Variants in SWAP70 observed in about 807,000 individuals in gnomAD.
The protein encoded by SWAP70 is switching B cell complex subunit SWAP70, also known as switch-associated protein 70.
Under a neutral mutation model 80.2 loss-of-function variants are expected in SWAP70, and 34 were observed. That is an observed-to-expected ratio of 0.42 (90% CI 0.32 to 0.56). SWAP70 has a LOEUF of 0.56. Among genes scored for constraint, SWAP70 ranks in the 20% least tolerant of loss-of-function variants. The pLI is 0.09. For missense variants in SWAP70, 578 were observed against 690.7 expected, an observed-to-expected ratio of 0.84 and a Z score of 1.83; for synonymous variants, 239 against 238.5, an observed-to-expected ratio of 1.00 and a Z score of -0.02.
At chr11:9,691,716 A>C (rs1850699916) in intron 1 of SWAP70, among the ~76,000 whole-genome samples, 1 of 152,244 alleles carries the variant, frequency 6.6e-6, no homozygotes, top group Admixed American at 6.5e-5. Flanking sequence ...ACTTTAGTCA[A>C]GAAAAACAAA....
chr11:9,699,080 A>T (rs201535550), intron 2 of SWAP70, among the ~76,000 whole-genome samples: 143 of 152,320 alleles, frequency 9.4e-4, no homozygotes, highest in East Asian at 2.5e-3. Flanking sequence ...AACATATGGT[A>T]TGATTCTATT....
At chr11:9,729,907 G>T (rs368155797) in intron 6 of SWAP70, among the ~76,000 whole-genome samples, 1 of 152,144 alleles carries the variant, frequency 6.6e-6, no homozygotes, top group Non-Finnish European at 1.5e-5. Context: ...ATTAAGATGC[G>T]CTCTCAAAGT....
At chr11:9,689,774 A>T (rs1850673321) in intron 1 of SWAP70, among the ~76,000 whole-genome samples, 1 of 152,120 alleles carries the variant, frequency 6.6e-6, no homozygotes, top group Admixed American at 6.5e-5. Context: ...TCCCAGAGAG[A>T]GAACGGTCCC....
At chr11:9,715,188 A>C (rs1851050777) in intron 3 of SWAP70, among the ~76,000 whole-genome samples, 1 of 152,042 alleles carries the variant, frequency 6.6e-6, no homozygotes, top group Non-Finnish European at 1.5e-5. Flanking sequence ...CATGTTGCCC[A>C]GCCTGGTATC....
At position 9,696,398 on chromosome 11, in the gene SWAP70, C is replaced by T. The variant is rs1428390704; in HGVS notation, c.240+2112C>T. 5.3e-5 allele frequency among the ~76,000 whole-genome samples: 8 copies of T among 152,028 alleles called. No individual in the cohort carries two copies. The East Asian group carries it at 1.5e-3, about 29-fold the overall frequency. ...AGAAATATGTGAAATAAAAAGTGAA[C>T]GTTGCTTTAATTTTTTGTAGTCTGA... On this transcript the variant is annotated intron_variant, in intron 2 of 11. Transcript: ENST00000318950.
intron 2 of SWAP70, among the ~76,000 whole-genome samples, chr11:9,699,866 G>GTATATATATATATATATA (rs113413903): frequency 6.9e-6 from 1 of 144,068 alleles, no homozygotes; most frequent in Non-Finnish European, 1.5e-5. Context: ...TGTATAGTGT[G>GTATATATATATATATATA]TATATATATA....
intron 1 of SWAP70, among the ~76,000 whole-genome samples, chr11:9,688,892 C>T (rs1383653444): frequency 6.6e-6 from 1 of 152,058 alleles, no homozygotes; most frequent in Admixed American, 6.5e-5. Flanking sequence ...GCTTTTAAGG[C>T]AGGGCATAGC....
intron 1 of SWAP70, among the ~76,000 whole-genome samples, chr11:9,671,021 G>A (rs982248804): frequency 2.0e-5 from 3 of 148,302 alleles, no homozygotes; most frequent in African/African-American, 5.0e-5. Context: ...CCAAAGTGCT[G>A]GGAGTACAGG....
At chr11:9,691,395 A>G (rs1203184967) in intron 1 of SWAP70, among the ~76,000 whole-genome samples, 1 of 152,234 alleles carries the variant, frequency 6.6e-6, no homozygotes, top group Admixed American at 6.5e-5. Context: ...ATTGGAGCGC[A>G]GGTCTCTTCC....
chr11:9,738,078 G>C lies in SWAP70; in HGVS notation c.1081-135G>C, dbSNP rs538461170. ...GACTGGAATTCTAATGGAGCTAAAA[G>C]TTTTTATTCTATTATCTTTATTGAA... On this transcript the variant is annotated intron_variant, in intron 7 of 11. Coordinates refer to ENST00000318950, the MANE Select transcript of SWAP70 (RefSeq NM_015055.4). 1.7e-4 allele frequency: 88 copies of C among 502,964 alleles called. 2 individuals carry two copies. The East Asian group carries it at 2.8e-3, about 16-fold the overall frequency. 31.2% of individuals were successfully genotyped at this position (502,964 alleles called of 1,614,324 possible).
intron 6 of SWAP70, among the ~76,000 whole-genome samples, chr11:9,730,053 G>A (rs752103070): frequency 1.3e-5 from 2 of 152,162 alleles, no homozygotes; most frequent in Non-Finnish European, 2.9e-5. Flanking sequence ...TGGGCTTTTA[G>A]TGTAATCATC....
chr11:9,677,804 T>A (rs953676133), intron 1 of SWAP70, among the ~76,000 whole-genome samples: 2 of 152,180 alleles, frequency 1.3e-5, no homozygotes, highest in Non-Finnish European at 2.9e-5. Flanking sequence ...CTGGTGTAGA[T>A]CTAAATGAAA....
rs373665874 is a variant in SWAP70, at chr11:9,748,072, C to A, written c.1554+16C>A. On this transcript the variant is annotated intron_variant, in intron 10 of 11. Transcript: ENST00000318950. ...GCAGTACGAGGTAATGAGACTTGGC[C>A]CTGCAAACTTGTATATTTAAATTTT... The A allele has an allele frequency of 1.1e-4, 175 of 1,606,608 alleles. No homozygotes were observed. The highest frequency in any genetic ancestry group is 1.4e-4 in the Non-Finnish European group (169 of 1,175,142).
chr11:9,699,508 A>G (rs186359101), intron 2 of SWAP70, among the ~76,000 whole-genome samples: 10 of 152,230 alleles, frequency 6.6e-5, no homozygotes, highest in African/African-American at 1.9e-4. Context: ...TATACTTACA[A>G]TAAAACTATA....
chr11:9,751,448 C>T lies in SWAP70; in HGVS notation c.*1478C>T, dbSNP rs1356398239. 6.6e-6 allele frequency: 1 copy of T among 152,152 alleles called. No individual in the cohort carries two copies. The highest frequency in any genetic ancestry group is 2.4e-5 in the African/African-American group (1 of 41,422). The allele number at this position is 152,152 out of a possible 1,614,324, so 9.4% of individuals were successfully genotyped here. On this transcript the variant is annotated 3_prime_UTR_variant, in exon 12 of 12. Coordinates refer to ENST00000318950, the MANE Select transcript of SWAP70 (RefSeq NM_015055.4). ...TATAATTGAGAAGCAACAGTAACTC[C>T]GTGGACAGCAATCAAGCTTAAAATT...
At position 9,724,788 on chromosome 11, in the gene SWAP70, T is replaced by C; in HGVS notation, c.545T>C (p.Ile182Thr). 1 of 1,614,140 alleles carries C rather than the reference T, an allele frequency of 6.2e-7. No homozygotes were observed. The highest frequency in any genetic ancestry group is 8.5e-7 in the Non-Finnish European group (1 of 1,180,000). Residue 182 changes from isoleucine to threonine, a missense_variant, in exon 4 of 12, where the codon ATT becomes ACT. Ile to Thr is a moderately conservative substitution (Grantham distance 89). Coordinates refer to ENST00000318950, the MANE Select transcript of SWAP70 (RefSeq NM_015055.4). ...GLSAWELIELIGNGQFSKGMD... is the reference protein window; with the variant it reads ...GLSAWELIELTGNGQFSKGMD... The stretch of plus-strand genomic sequence containing the variant: ...TCTGCATGGGAACTTATTGAGCTTA[T>C]TGGAAATGGACAGTTTAGCAAAGGC...
At position 9,723,266 on chromosome 11, in the gene SWAP70, AT is replaced by A. The variant is rs1246806718; in HGVS notation, c.415-1388del. On this transcript the variant is annotated intron_variant, in intron 3 of 11. Transcript: ENST00000318950. The stretch of plus-strand genomic sequence containing the variant: ...AGAGCTGCCTGGGACAAAGTTTTAA[AT>A]TTTATTTTCACTGCAACCCATAGGA... 5.3e-5 allele frequency among the ~76,000 whole-genome samples: 8 copies of A among 152,138 alleles called. No homozygotes were observed. In the East Asian group the frequency reaches 1.5e-3, roughly 29 times the overall value.
intron 4 of SWAP70, chr11:9,727,073 G>T (rs2453832): frequency 0.31 from 128,323 of 414,470 alleles, 20,837 homozygotes; most frequent in Non-Finnish European, 0.34. Flanking sequence ...AACATTTTCA[G>T]TGACTGAGGT....
intron 9 of SWAP70, chr11:9,742,035 C>A (rs1851447224): frequency 6.6e-6 from 1 of 151,072 alleles, no homozygotes; most frequent in Admixed American, 6.6e-5. Flanking sequence ...ATTTGCACCA[C>A]TGTACTACAG....
Sources: allele counts gnomAD v4.1 joint callset (sites outside exome capture counted in the v4.1 genomes callset), GRCh38; gene constraint gnomAD v4.1.1; transcripts MANE v1.5; gene names NCBI Gene and HGNC (gene_info 2026-07-23, HGNC 2026-07-21).